The following SAMMSON variants were observed in gnomAD, a reference collection of about 807,000 sequenced individuals.
SAMMSON encodes the protein survival associated mitochondrial melanoma specific oncogenic non-coding RNA.
chr3:70,355,167 G>T (rs1299513297), intron 8 of SAMMSON, among the ~76,000 whole-genome samples: 1 of 152,150 alleles, frequency 6.6e-6, no homozygotes, highest in Non-Finnish European at 1.5e-5. Flanking sequence ...GCTAAGAGAA[G>T]ATCCCCACAT....
At chr3:70,121,675 A>G (rs917139965) in intron 4 of SAMMSON, among the ~76,000 whole-genome samples, 2 of 152,154 alleles carry the variant, frequency 1.3e-5, no homozygotes, top group Middle Eastern at 3.2e-3. Flanking sequence ...AAAAGCCAAT[A>G]CACACAGCAA....
intron 4 of SAMMSON, among the ~76,000 whole-genome samples, chr3:70,182,617 T>A (rs1243667371): frequency 6.6e-6 from 1 of 152,158 alleles, no homozygotes; most frequent in Non-Finnish European, 1.5e-5. Context: ...TCTCAATGAT[T>A]TCACGGGCTA....
At position 70,226,592 on chromosome 3, in the gene SAMMSON, G is replaced by A. The variant is rs577102018; in HGVS notation, n.508-22515G>A. Among the ~76,000 whole-genome samples the A allele has an allele frequency of 2.2e-3, 330 of 152,090 alleles. 6 individuals carry two copies. Among genetic ancestry groups the A allele is most frequent in the Non-Finnish European group, 2.9e-4 (20 of 67,992 alleles). The stretch of plus-strand genomic sequence containing the variant: ...GTCTCTATTAAAAATACAAAAATTA[G>A]CCAGGCATGGTGGCGGGTGCCTGTA... On this transcript the variant is annotated intron_variant and non_coding_transcript_variant, in intron 4 of 9. Transcript: ENST00000642114.
chr3:70,005,320 A>T (rs1313222914), intron 1 of SAMMSON, among the ~76,000 whole-genome samples: 1 of 141,474 alleles, frequency 7.1e-6, no homozygotes, highest in Non-Finnish European at 1.6e-5. Flanking sequence ...TACATTAGGA[A>T]TGCTAGTAGA....
At chr3:70,211,816 T>C in intron 4 of SAMMSON, among the ~76,000 whole-genome samples, 1 of 148,778 alleles carries the variant, frequency 6.7e-6, no homozygotes, top group Non-Finnish European at 1.5e-5. Context: ...ACCCTTCCCT[T>C]CCCTTCCCTT....
chr3:70,262,405 C>G (rs1189334669), intron 6 of SAMMSON, among the ~76,000 whole-genome samples: 1 of 152,078 alleles, frequency 6.6e-6, no homozygotes, highest in East Asian at 1.9e-4. Flanking sequence ...AATCAGTGTT[C>G]TTTAAAAGAT....
At chr3:70,101,324 G>A (rs868785579) in intron 4 of SAMMSON, among the ~76,000 whole-genome samples, 1 of 151,490 alleles carries the variant, frequency 6.6e-6, no homozygotes, top group African/African-American at 2.4e-5. Flanking sequence ...ACATATTTAG[G>A]TACTTATAAT....
At chr3:70,018,135 A>G (rs1376559598) in intron 3 of SAMMSON, among the ~76,000 whole-genome samples, 1 of 152,102 alleles carries the variant, frequency 6.6e-6, no homozygotes, top group Non-Finnish European at 1.5e-5. Flanking sequence ...TTTTCTATCA[A>G]TTGGAATAGT....
intron 4 of SAMMSON, among the ~76,000 whole-genome samples, chr3:70,199,748 T>A (rs931233092): frequency 9.2e-5 from 14 of 152,198 alleles, no homozygotes; most frequent in African/African-American, 3.1e-4. Flanking sequence ...AGTATATTTT[T>A]CTTTGCCTGC....
intron 4 of SAMMSON, among the ~76,000 whole-genome samples, chr3:70,185,388 T>A (rs1701084276): frequency 6.6e-6 from 1 of 152,138 alleles, no homozygotes; most frequent in African/African-American, 2.4e-5. Flanking sequence ...AGCTGGGAGC[T>A]CCTTCTGTCT....
chr3:70,280,088 C>G (rs1702065782), intron 6 of SAMMSON, among the ~76,000 whole-genome samples: 1 of 152,152 alleles, frequency 6.6e-6, no homozygotes, highest in East Asian at 1.9e-4. Flanking sequence ...CCTCTGGAGC[C>G]TCTGGCAGAT....
intron 4 of SAMMSON, among the ~76,000 whole-genome samples, chr3:70,185,288 A>G (rs1576147096): frequency 1.3e-5 from 2 of 152,276 alleles, no homozygotes; most frequent in African/African-American, 2.4e-5. Flanking sequence ...ATCTTATCCC[A>G]TGGAAATAAG....
At chr3:70,108,959 C>T (rs1269528274) in intron 4 of SAMMSON, among the ~76,000 whole-genome samples, 2 of 152,100 alleles carry the variant, frequency 1.3e-5, no homozygotes, top group Non-Finnish European at 2.9e-5. Flanking sequence ...AACTGGATGG[C>T]TAAAAATCAT....
intron 7 of SAMMSON, among the ~76,000 whole-genome samples, chr3:70,335,784 T>C (rs937768476): frequency 6.6e-6 from 1 of 152,044 alleles, no homozygotes; most frequent in Non-Finnish European, 1.5e-5. Context: ...AAGCTGCTTA[T>C]TCTGATATTT....
chr3:70,343,219 C>T (rs1387950857), intron 7 of SAMMSON, among the ~76,000 whole-genome samples: 2 of 151,934 alleles, frequency 1.3e-5, no homozygotes, highest in Non-Finnish European at 2.9e-5. Context: ...ATTAATGAAC[C>T]AATAATGGTA....
intron 4 of SAMMSON, among the ~76,000 whole-genome samples, chr3:70,137,289 A>T (rs4974259): frequency 0.44 from 67,089 of 152,012 alleles, 16,090 homozygotes; most frequent in Non-Finnish European, 0.52. Flanking sequence ...TTTTAAAAAA[A>T]CTCCTCGATA....
At chr3:70,268,968 A>G (rs1028938060) in intron 6 of SAMMSON, among the ~76,000 whole-genome samples, 3 of 152,158 alleles carry the variant, frequency 2.0e-5, no homozygotes, top group Non-Finnish European at 4.4e-5. Flanking sequence ...TGAACCAGGA[A>G]AAATCTTAAC....
At chr3:70,176,398 C>T (rs995731086) in intron 4 of SAMMSON, among the ~76,000 whole-genome samples, 8 of 152,194 alleles carry the variant, frequency 5.3e-5, no homozygotes, top group East Asian at 1.9e-4. Flanking sequence ...AGATAGACCC[C>T]GTTTATGAGA....
At chr3:70,081,838 G>A (rs952590145) in intron 4 of SAMMSON, among the ~76,000 whole-genome samples, 1 of 152,196 alleles carries the variant, frequency 6.6e-6, no homozygotes, top group African/African-American at 2.4e-5. Context: ...AGAAAATGCA[G>A]GAATGTGACA....
Sources: gnomAD v4.1 joint callset for allele counts (sites outside exome capture counted in the v4.1 genomes callset) on GRCh38, gnomAD v4.1.1 for gene constraint, MANE v1.5 for transcripts, NCBI Gene and HGNC (gene_info 2026-07-23, HGNC 2026-07-21) for gene names.